Variants in FAF2 observed in about 807,000 individuals in gnomAD.
FAF2 encodes the protein FAS-associated factor 2.
FAF2 carries 9 observed loss-of-function variants against 62.3 expected under a neutral mutation model. The observed-to-expected ratio is 0.14, with a 90% CI of 0.09 to 0.25. The LOEUF is 0.25. FAF2 is among the 10% of genes least tolerant of loss of function. The pLI is 1.00. For synonymous variants in FAF2, 202 were observed against 198.0 expected (o/e 1.02, Z -0.17); for missense variants, 368 against 556.2 (o/e 0.66, Z 3.40).
intron 2 of FAF2, 139 bp from the exon 3 acceptor site, chr5:176,486,216 T>C (rs995208951): frequency 3.1e-6 from 3 of 978,170 alleles, no homozygotes; most frequent in African/African-American, 3.3e-5. Context: ...AACAGGCCCA[T>C]GAAGGTGCAC....
intron 1 of FAF2, among the ~76,000 whole-genome samples, chr5:176,457,315 A>T (rs1364795173): frequency 1.3e-5 from 2 of 151,798 alleles, no homozygotes; most frequent in East Asian, 3.9e-4. Context: ...CAGCTTCCAG[A>T]GTTGCTGGGA....
intron 4 of FAF2, among the ~76,000 whole-genome samples, chr5:176,490,897 G>C (rs1758961764): frequency 6.6e-6 from 1 of 151,956 alleles, no homozygotes; most frequent in Non-Finnish European, 1.5e-5. Flanking sequence ...TTCAAAGAAA[G>C]TAGTTAAAAC....
intron 1 of FAF2, among the ~76,000 whole-genome samples, chr5:176,454,037 G>T: frequency 6.8e-6 from 1 of 146,910 alleles, no homozygotes; most frequent in Non-Finnish European, 1.5e-5. Flanking sequence ...GCCTGGGCAA[G>T]AGCGAGACTC....
intron 2 of FAF2, among the ~76,000 whole-genome samples, chr5:176,482,489 A>C (rs77960455): frequency 0.095 from 14,418 of 152,208 alleles, 948 homozygotes; most frequent in East Asian, 0.28. Flanking sequence ...CTGGAATTAC[A>C]GGCGTAAGCA....
intron 1 of FAF2, among the ~76,000 whole-genome samples, chr5:176,472,281 G>A (rs1758584928): frequency 6.6e-6 from 1 of 151,884 alleles, no homozygotes; most frequent in South Asian, 2.1e-4. Context: ...TGAGTAGCTG[G>A]GATCACAGGC....
chr5:176,482,954 T>A (rs1195701967), intron 2 of FAF2, among the ~76,000 whole-genome samples: 1 of 152,080 alleles, frequency 6.6e-6, no homozygotes. Context: ...ATGGTCTTGG[T>A]CTCTTGACCT....
At chr5:176,468,477 G>A (rs1162023260) in intron 1 of FAF2, among the ~76,000 whole-genome samples, 1 of 152,122 alleles carries the variant, frequency 6.6e-6, no homozygotes, top group Admixed American at 6.6e-5. Flanking sequence ...CCAGCTGCTC[G>A]GGAGGCTGAG....
chr5:176,497,275 TTCCTC>T (rs1409125806), intron 8 of FAF2, among the ~76,000 whole-genome samples: 1 of 152,138 alleles, frequency 6.6e-6, no homozygotes, highest in African/African-American at 2.4e-5. Flanking sequence ...ATGGTTATAA[TTCCTC>T]TCCATTACAT....
Position 176,506,798 on chromosome 5 carries a change from G to A in FAF2, c.1186G>A (p.Glu396Lys). ...VIHDFLFSLK[E>K]SPEKFQIEAN... ...CCACGACTTCTTATTCTCCTTGAAGGAAAGCCCAGAAAAGTTTCAGATTGA... is the reference window on the plus strand; with the variant it reads ...CCACGACTTCTTATTCTCCTTGAAGAAAAGCCCAGAAAAGTTTCAGATTGA... Residue 396 changes from glutamate to lysine, a missense_variant, in exon 11 of 11, where the codon GAA (glutamate) becomes AAA (lysine). Around this residue, in one of 2 missense-constraint regions of FAF2, gnomAD observed 37 missense variants for 114.3 expected, o/e 0.32. Coordinates refer to ENST00000261942, the MANE Select transcript of FAF2 (RefSeq NM_014613.3). 1 of 1,613,696 alleles carries A rather than the reference G, an allele frequency of 6.2e-7. No individual in the cohort carries two copies. The highest frequency in any genetic ancestry group is 8.5e-7 in the Non-Finnish European group (1 of 1,179,870).
At position 176,477,355 on chromosome 5, in the gene FAF2, G is replaced by A. The variant is rs1758721253; in HGVS notation, c.64-1833G>A. Among the ~76,000 whole-genome samples the A allele has an allele frequency of 2.0e-5, 3 of 151,602 alleles. No individual in the cohort carries two copies. In the South Asian group the frequency reaches 6.2e-4, roughly 32 times the overall value. On this transcript the variant is annotated intron_variant, in intron 1 of 10. Coordinates refer to ENST00000261942, the MANE Select transcript of FAF2 (RefSeq NM_014613.3). ...GCCCACCTCAGCCTCCCAAAGTGCTGGGATTACAGGCGTGAGCCACCATGC... is the reference window on the plus strand; with the variant it reads ...GCCCACCTCAGCCTCCCAAAGTGCTAGGATTACAGGCGTGAGCCACCATGC...
At chr5:176,480,671 C>A (rs1758771767) in intron 2 of FAF2, among the ~76,000 whole-genome samples, 1 of 151,884 alleles carries the variant, frequency 6.6e-6, no homozygotes, top group Non-Finnish European at 1.5e-5. Context: ...CCTCAGCTTC[C>A]CAAAGTACTG....
At position 176,451,845 on chromosome 5, in the gene FAF2, C is replaced by CATATATATAT. The variant is rs1347386022; in HGVS notation, c.63+3376_63+3377insTATATATATA. On this transcript the variant is annotated intron_variant, in intron 1 of 10. Transcript: ENST00000261942. ...ATATATATACATATATATATATACACACATATATATACACATATATATATA... is the reference window on the plus strand; with the variant it reads ...ATATATATACATATATATATATACACATATATATATACATATATATACACATATATATATA... Among the ~76,000 whole-genome samples, 6 of 38,892 alleles carry CATATATATAT rather than the reference C, an allele frequency of 1.5e-4. 1 individual carries two copies. The highest frequency in any genetic ancestry group is 5.8e-4 in the African/African-American group (4 of 6,898). 25.5% of individuals were successfully genotyped at this position (38,892 alleles called of 152,430 possible). A position where few individuals can be genotyped will look rare whatever the true frequency, so the allele number is the denominator to read the frequency against.
chr5:176,509,029 A>T lies in FAF2; in HGVS notation c.*2079A>T, dbSNP rs1222822874. On this transcript the variant is annotated 3_prime_UTR_variant, in exon 11 of 11. Transcript: ENST00000261942. ...TGCACTTTATGCCTCTCGCCTTTTG[A>T]TAATAGTTGTTCAGTGAAGGAAGTC... 4 of 151,914 alleles carry T rather than the reference A, an allele frequency of 2.6e-5. No homozygotes were observed. The highest frequency in any genetic ancestry group is 9.7e-5 in the African/African-American group (4 of 41,342). 9.4% of individuals were successfully genotyped at this position (151,914 alleles called of 1,614,324 possible).
chr5:176,470,716 G>A (rs1258627425), intron 1 of FAF2, among the ~76,000 whole-genome samples: 3 of 152,258 alleles, frequency 2.0e-5, no homozygotes, highest in Non-Finnish European at 2.9e-5. Flanking sequence ...TACAGACAGT[G>A]AATGCCAAAT....
chr5:176,474,776 G>T (rs1040624924), intron 1 of FAF2, among the ~76,000 whole-genome samples: 1 of 152,122 alleles, frequency 6.6e-6, no homozygotes, highest in African/African-American at 2.4e-5. Flanking sequence ...AGAACAAAAT[G>T]AAAATTTTGT....
intron 1 of FAF2, among the ~76,000 whole-genome samples, chr5:176,464,540 T>C (rs1482218714): frequency 7.0e-6 from 1 of 142,168 alleles, no homozygotes; most frequent in Non-Finnish European, 1.5e-5. Flanking sequence ...TCACCTGGGC[T>C]GGAGTACAGT....
chr5:176,486,063 A>C (rs1476791019), intron 2 of FAF2, among the ~76,000 whole-genome samples: 1 of 152,196 alleles, frequency 6.6e-6, no homozygotes, highest in Non-Finnish European at 1.5e-5. Context: ...TTTATATCCC[A>C]GCCACCCTAA....
chr5:176,489,571 G>A (rs569626197), intron 4 of FAF2, among the ~76,000 whole-genome samples: 14 of 151,902 alleles, frequency 9.2e-5, no homozygotes, highest in African/African-American at 1.7e-4. Flanking sequence ...TTGCTCTGTC[G>A]CTGTCACCCA....
intron 1 of FAF2, among the ~76,000 whole-genome samples, chr5:176,466,496 G>A (rs1397166737): frequency 3.3e-5 from 5 of 152,166 alleles, no homozygotes; most frequent in Non-Finnish European, 7.4e-5. Context: ...ATGAGATATG[G>A]AAAGATAAAC....
Sources: allele counts gnomAD v4.1 joint callset (sites outside exome capture counted in the v4.1 genomes callset), GRCh38; gene constraint gnomAD v4.1.1; regional missense constraint gnomAD v4.1.1; transcripts MANE v1.5; gene names NCBI Gene and HGNC (gene_info 2026-07-23, HGNC 2026-07-21).